The following PDGFRA variants were observed in gnomAD, a reference collection of about 807,000 sequenced individuals.
PDGFRA encodes platelet-derived growth factor receptor alpha.
PDGFRA carries 25 observed loss-of-function variants against 121.5 expected under a neutral mutation model. The ratio of observed to expected loss-of-function variants is 0.21; its 90% confidence interval spans 0.15 to 0.29. The LOEUF is 0.29. PDGFRA is among the 10% of genes least tolerant of loss of function. The pLI is 1.00. For synonymous variants in PDGFRA, 463 were observed against 494.8 expected, an observed-to-expected ratio of 0.94 and a Z score of 0.85; for missense variants, 1,008 against 1,345.1, an observed-to-expected ratio of 0.75 and a Z score of 3.92.
At chr4:54,267,791 G>A (rs992775159) in intron 7 of PDGFRA, 50 bp downstream of exon 7, 2 of 1,494,740 alleles carry the variant, frequency 1.3e-6, no homozygotes, top group Non-Finnish European at 9.3e-7. Flanking sequence ...TGCATCAGAG[G>A]CGGACTGAGG....
intron 1 of PDGFRA, among the ~76,000 whole-genome samples, chr4:54,249,180 TTGG>T (rs528216068): frequency 6.6e-4 from 100 of 152,238 alleles, no homozygotes; most frequent in African/African-American, 2.3e-3. Context: ...AACTATTTGG[TTGG>T]TGGGACTGTA....
At position 54,229,303 on chromosome 4, in the gene PDGFRA, G is replaced by T; in HGVS notation, c.-125G>T. 1 of 390,212 alleles carries T rather than the reference G, an allele frequency of 2.6e-6. No individual in the cohort carries two copies. Among genetic ancestry groups the T allele is most frequent in the South Asian group, 1.3e-4 (1 of 7,548 alleles). 24.2% of individuals were successfully genotyped at this position (390,212 alleles called of 1,614,324 possible). A position where few individuals can be genotyped will look rare whatever the true frequency, so the allele number is the denominator to read the frequency against. ...GCGGTTTTTGAGCCCATTACTGTTG[G>T]AGCTACAGGGAGAGAAACAGAGGAG... On this transcript the variant is annotated 5_prime_UTR_variant, in exon 1 of 23. Coordinates refer to ENST00000257290, the MANE Select transcript of PDGFRA (RefSeq NM_006206.6).
chr4:54,232,699 C>G (rs983918454), intron 1 of PDGFRA, among the ~76,000 whole-genome samples: 1 of 152,230 alleles, frequency 6.6e-6, no homozygotes, highest in Non-Finnish European at 1.5e-5. Flanking sequence ...ATTCTCCTGC[C>G]TCAGCCTCCC....
At chr4:54,285,995 C>A (rs750675971) in intron 18 of PDGFRA, 32 bp downstream of exon 18, 1 of 1,608,476 alleles carries the variant, frequency 6.2e-7, no homozygotes, top group Non-Finnish European at 8.5e-7. Context: ...TGGTCAGGCT[C>A]ATCCTCCTTC....
rs181854060 is a variant in PDGFRA, at chr4:54,274,603, T to G, written c.1631T>G (p.Val544Gly). 4.3e-6 allele frequency: 7 copies of G among 1,613,256 alleles called. No individual in the cohort carries two copies. In the African/African-American group the frequency reaches 8.0e-5, roughly 18 times the overall value. ...LLVIVIISLI[V>G]LVVIWKQKPR... ...GTGATTGTGATCATCTCACTTATTG[T>G]CCTGGTTGTCATTTGGAAACAGGTA... The change falls in exon 11 of 23, where the codon GTC (valine) becomes GGC (glycine). Residue 544 changes from valine (V) to glycine (G), a missense_variant. Val to Gly is a moderately radical substitution (Grantham distance 109, BLOSUM62 -3). Coordinates refer to ENST00000257290, the MANE Select transcript of PDGFRA (RefSeq NM_006206.6).
intron 1 of PDGFRA, among the ~76,000 whole-genome samples, chr4:54,253,091 G>A (rs1722145478): frequency 6.6e-6 from 1 of 152,100 alleles, no homozygotes; most frequent in African/African-American, 2.4e-5. Flanking sequence ...GGTCATGGGA[G>A]TGGACTGCTG....
intron 16 of PDGFRA, among the ~76,000 whole-genome samples, chr4:54,282,560 C>T (rs1456294924): frequency 2.6e-5 from 4 of 152,170 alleles, no homozygotes; most frequent in Non-Finnish European, 5.9e-5. Flanking sequence ...TCCCCACCTC[C>T]AATACTGGAG....
intron 13 of PDGFRA, 49 bp downstream of exon 13, chr4:54,277,541 A>T (rs1288190804): frequency 2.5e-6 from 3 of 1,212,046 alleles, no homozygotes; most frequent in Non-Finnish European, 3.7e-6. Flanking sequence ...TTTTTTGAGC[A>T]TGGGGATATT....
intron 3 of PDGFRA, among the ~76,000 whole-genome samples, chr4:54,262,622 A>T (rs1367529849): frequency 6.6e-6 from 1 of 151,680 alleles, no homozygotes; most frequent in Non-Finnish European, 1.5e-5. Flanking sequence ...AGGGATCTAG[A>T]CCCTCTTTAC....
intron 2 of PDGFRA, 71 bp from the exon 3 acceptor site, chr4:54,261,024 C>G (rs951233542): frequency 5.9e-6 from 8 of 1,356,232 alleles, no homozygotes; most frequent in Middle Eastern, 2.0e-4. Context: ...GCTACTGTTG[C>G]TTCTCTCAGT....
chr4:54,256,726 A>G (rs1004507343), intron 1 of PDGFRA, among the ~76,000 whole-genome samples: 1 of 151,136 alleles, frequency 6.6e-6, no homozygotes, highest in Middle Eastern at 3.2e-3. Flanking sequence ...AGACCCCAGG[A>G]TGCGGGCCGG....
chr4:54,293,068 G>A (rs1362986409), intron 22 of PDGFRA, among the ~76,000 whole-genome samples: 1 of 152,108 alleles, frequency 6.6e-6, no homozygotes, highest in Non-Finnish European at 1.5e-5. Flanking sequence ...GTTTTGTTCT[G>A]TCTGAGATCC....
At chr4:54,282,196 G>T (rs1724115135) in intron 16 of PDGFRA, among the ~76,000 whole-genome samples, 1 of 152,050 alleles carries the variant, frequency 6.6e-6, no homozygotes, top group Non-Finnish European at 1.5e-5. Flanking sequence ...GTGTGTTTTA[G>T]GCTGTTCTTT....
At chr4:54,255,671 A>G (rs1181751287) in intron 1 of PDGFRA, among the ~76,000 whole-genome samples, 1 of 151,820 alleles carries the variant, frequency 6.6e-6, no homozygotes, top group Non-Finnish European at 1.5e-5. Context: ...ACGCCCGGCT[A>G]ATTTTTTGTA....
chr4:54,235,047 C>T (rs1437194347), intron 1 of PDGFRA, among the ~76,000 whole-genome samples: 3 of 152,190 alleles, frequency 2.0e-5, no homozygotes, highest in Non-Finnish European at 4.4e-5. Flanking sequence ...GGTAAACACA[C>T]CCTCTGCTGG....
At chr4:54,238,393 C>CT (rs939308219) in intron 1 of PDGFRA, among the ~76,000 whole-genome samples, 3 of 152,176 alleles carry the variant, frequency 2.0e-5, no homozygotes, top group African/African-American at 7.2e-5. Context: ...CTCACTCTTT[C>CT]TTTTTTTTAA....
intron 22 of PDGFRA, among the ~76,000 whole-genome samples, chr4:54,291,498 A>G (rs1166184556): frequency 7.4e-6 from 1 of 134,530 alleles, no homozygotes. Flanking sequence ...AAAAGAAGAC[A>G]TACCTGCAGC....
chr4:54,231,233 G>C (rs553099377), intron 1 of PDGFRA, among the ~76,000 whole-genome samples: 1 of 152,214 alleles, frequency 6.6e-6, no homozygotes, highest in Non-Finnish European at 1.5e-5. Context: ...GCATGGATGG[G>C]GCCCATATCA....
At chr4:54,283,162 C>T (rs1381834766) in intron 16 of PDGFRA, among the ~76,000 whole-genome samples, 1 of 152,164 alleles carries the variant, frequency 6.6e-6, no homozygotes, top group Admixed American at 6.5e-5. Context: ...AGGCAGTGCC[C>T]CAGTGGAGAC....
Sources: gnomAD v4.1 joint callset for allele counts (sites outside exome capture counted in the v4.1 genomes callset) on GRCh38, gnomAD v4.1.1 for gene constraint, MANE v1.5 for transcripts, NCBI Gene and HGNC (gene_info 2026-07-23, HGNC 2026-07-21) for gene names.